The following PAX7 variants were observed in gnomAD, a reference collection of about 807,000 sequenced individuals.
PAX7 encodes the protein paired box 7, also known as paired box protein Pax-7.
Under a neutral mutation model 50.7 loss-of-function variants are expected in PAX7, and 18 were observed. The observed-to-expected ratio is 0.36, with a 90% CI of 0.25 to 0.53. PAX7 has a LOEUF of 0.53. Among genes scored for constraint, PAX7 ranks in the 20% least tolerant of loss-of-function variants. The pLI is 0.93. For synonymous variants in PAX7, 310 were observed against 290.4 expected (o/e 1.07, Z -0.69); for missense variants, 644 against 702.9 (o/e 0.92, Z 0.95).
intron 4 of PAX7, among the ~76,000 whole-genome samples, chr1:18,649,684 G>T (rs2088401705): frequency 6.6e-6 from 1 of 152,100 alleles, no homozygotes; most frequent in African/African-American, 2.4e-5. Context: ...CCACAAACTT[G>T]GCCTGCTGAA....
intron 7 of PAX7, among the ~76,000 whole-genome samples, chr1:18,722,501 C>T (rs1015415273): frequency 2.6e-5 from 4 of 152,092 alleles, no homozygotes; most frequent in Non-Finnish European, 1.5e-5. Context: ...GATTCACAGG[C>T]GCTTTATCCT....
At chr1:18,728,385 G>A (rs532321310) in intron 7 of PAX7, among the ~76,000 whole-genome samples, 43 of 152,074 alleles carry the variant, frequency 2.8e-4, no homozygotes, top group African/African-American at 6.8e-4. Context: ...GTGTTGGTGC[G>A]TCTGTAATGT....
chr1:18,739,063 C>T (rs1288179923), intron 8 of PAX7, among the ~76,000 whole-genome samples: 3 of 152,342 alleles, frequency 2.0e-5, no homozygotes, highest in Non-Finnish European at 4.4e-5. Context: ...GTCCATCTGT[C>T]CTCCCTTAAC....
chr1:18,738,542 C>A (rs1189147121), intron 8 of PAX7, among the ~76,000 whole-genome samples: 1 of 152,036 alleles, frequency 6.6e-6, no homozygotes, highest in Non-Finnish European at 1.5e-5. Context: ...CCTCCTCCCC[C>A]ACCACCCCCT....
At position 18,667,470 on chromosome 1, in the gene PAX7, C is replaced by T. The variant is rs187781323; in HGVS notation, c.587-24284C>T. 4.6e-5 allele frequency among the ~76,000 whole-genome samples: 7 copies of T among 151,608 alleles called. No homozygotes were observed. The East Asian group carries it at 5.9e-4, about 13-fold the overall frequency. On this transcript the variant is annotated intron_variant, in intron 4 of 8. Coordinates refer to ENST00000420770, the MANE Select transcript of PAX7 (RefSeq NM_001135254.2). ...AGGAAGGAGCTTTGGTCTGCACACACCCCGGAGCAGCAGCCCGGTAAAAGC... is the reference window on the plus strand; with the variant it reads ...AGGAAGGAGCTTTGGTCTGCACACATCCCGGAGCAGCAGCCCGGTAAAAGC...
chr1:18,661,310 A>T (rs2088596737), intron 4 of PAX7, among the ~76,000 whole-genome samples: 1 of 151,912 alleles, frequency 6.6e-6, no homozygotes, highest in South Asian at 2.1e-4. Flanking sequence ...GGTGGAAATG[A>T]ATTCGTCTTT....
chr1:18,646,674 A>T (rs537823147), intron 4 of PAX7, among the ~76,000 whole-genome samples: 1 of 151,620 alleles, frequency 6.6e-6, no homozygotes, highest in South Asian at 2.1e-4. Context: ...TTTAGAAATA[A>T]AGTAACCAAA....
chr1:18,669,603 CAG>C (rs2088714211), intron 4 of PAX7, among the ~76,000 whole-genome samples: 1 of 152,146 alleles, frequency 6.6e-6, no homozygotes, highest in Non-Finnish European at 1.5e-5. Flanking sequence ...TCTTTTGATG[CAG>C]AGAGGATGTC....
At position 18,669,298 on chromosome 1, in the gene PAX7, GA is replaced by G. The variant is rs2088710487; in HGVS notation, c.587-22455del. Among the ~76,000 whole-genome samples, 3 of 152,330 alleles carry G rather than the reference GA, an allele frequency of 2.0e-5. No individual in the cohort carries two copies. The South Asian group carries it at 6.2e-4, about 32-fold the overall frequency. On this transcript the variant is annotated intron_variant, in intron 4 of 8. Coordinates refer to ENST00000420770, the MANE Select transcript of PAX7 (RefSeq NM_001135254.2). Reference sequence around the variant, plus strand: ...TCTGGTTCCACATAGCAGGGGAGTAGAGGAGGAATCCATAGCCTCTTTAGAG... The same window carrying G: ...TCTGGTTCCACATAGCAGGGGAGTAGGGAGGAATCCATAGCCTCTTTAGAG...
rs1011979773 is a variant in PAX7 at position 18,632,920 on chromosome 1, T to C, written c.85+1232T>C. ...AGCGAATGCAAGTAAAACAGGCGGC[T>C]GAGGACGCGCGGCGGATTAGAACAA... On this transcript the variant is annotated intron_variant, in intron 1 of 8. Transcript: ENST00000420770. This position sits in a 1 kb window ranked among gnomAD's most constrained non-coding sequence, Gnocchi z 6.3. Among the ~76,000 whole-genome samples, 2 of 152,028 alleles carry C rather than the reference T, an allele frequency of 1.3e-5. No homozygotes were observed. The highest frequency in any genetic ancestry group is 4.8e-5 in the African/African-American group (2 of 41,414).
intron 7 of PAX7, among the ~76,000 whole-genome samples, chr1:18,728,741 T>TTC: frequency 6.7e-6 from 1 of 149,318 alleles, no homozygotes; most frequent in East Asian, 2.0e-4. Flanking sequence ...GGTGCATGCC[T>TTC]GTAATCCCAG....
Position 18,737,482 on chromosome 1 carries a change from C to G in PAX7, c.1402+1604C>G, listed in dbSNP as rs541198264. Among the ~76,000 whole-genome samples, 8 of 152,394 alleles carry G rather than the reference C, an allele frequency of 5.2e-5. No individual in the cohort carries two copies. In the South Asian group the frequency reaches 1.7e-3, roughly 32 times the overall value. ...ACATGTTTGCATATGTGTATGTACA[C>G]ATGTGTGTATGGGTGTTTGTGAGTA... On this transcript the variant is annotated intron_variant, in intron 8 of 8. Transcript: ENST00000420770.
chr1:18,667,032 G>C (rs1352958366), intron 4 of PAX7, among the ~76,000 whole-genome samples: 1 of 152,114 alleles, frequency 6.6e-6, no homozygotes, highest in African/African-American at 2.4e-5. Flanking sequence ...ATAGCAGCTG[G>C]TTCTAGAGCT....
intron 4 of PAX7, among the ~76,000 whole-genome samples, chr1:18,673,841 T>C (rs1042259972): frequency 2.0e-5 from 3 of 152,192 alleles, no homozygotes; most frequent in African/African-American, 7.2e-5. Flanking sequence ...GGGGGCCCTC[T>C]GAGCAGCTGA....
chr1:18,714,803 C>A (rs2089398513), intron 7 of PAX7, among the ~76,000 whole-genome samples: 1 of 152,232 alleles, frequency 6.6e-6, no homozygotes, highest in African/African-American at 2.4e-5. Flanking sequence ...TCCTGAGAAG[C>A]CTAGCAGGCC....
At chr1:18,698,742 GA>G (rs2089179953) in intron 5 of PAX7, among the ~76,000 whole-genome samples, 1 of 152,104 alleles carries the variant, frequency 6.6e-6, no homozygotes, top group Non-Finnish European at 1.5e-5. Flanking sequence ...CCAGGGCTTT[GA>G]ATCCATCGGG....
At chr1:18,690,244 A>G (rs1189636213) in intron 4 of PAX7, among the ~76,000 whole-genome samples, 4 of 152,352 alleles carry the variant, frequency 2.6e-5, no homozygotes, top group Non-Finnish European at 4.4e-5. Context: ...AATACCAGAG[A>G]TGGAGAAGGA....
intron 4 of PAX7, among the ~76,000 whole-genome samples, chr1:18,678,227 C>T (rs1227353211): frequency 6.6e-6 from 1 of 152,136 alleles, no homozygotes; most frequent in Non-Finnish European, 1.5e-5. Flanking sequence ...GCCTGACCAA[C>T]ATGGAGAAAC....
In PAX7 at chr1:18,715,524, G is replaced by C. The variant is rs148329784; in HGVS notation, c.1155+12228G>C. ...TCTGTCCTACAGATATAGGGACAGA[G>C]GCATGGAGCAGTTTAAATAATTTGT... On this transcript the variant is annotated intron_variant, in intron 7 of 8. Transcript: ENST00000420770. 2.9e-3 allele frequency among the ~76,000 whole-genome samples: 435 copies of C among 152,296 alleles called. 2 individuals are homozygous for C. The highest frequency in any genetic ancestry group is 0.01 in the African/African-American group (421 of 41,554).
Sources: gnomAD v4.1 joint callset for allele counts (sites outside exome capture counted in the v4.1 genomes callset) on GRCh38, gnomAD v4.1.1 for gene constraint, Gnocchi (gnomAD v3.1) non-coding constraint, MANE v1.5 for transcripts, NCBI Gene and HGNC (gene_info 2026-07-23, HGNC 2026-07-21) for gene names.